NLGN1: variants seen among roughly 807,000 people sequenced by gnomAD.
NLGN1 encodes the protein neuroligin 1.
In NLGN1, 12 loss-of-function variants were observed where a neutral mutation model predicts 65.5. That is an observed-to-expected ratio of 0.18 (90% confidence interval 0.12 to 0.30). The LOEUF (loss-of-function observed/expected upper bound fraction) is 0.30. NLGN1 is among the 10% of genes least tolerant of loss of function. NLGN1 has a pLI of 1.00. For synonymous variants in NLGN1, 350 were observed against 359.5 expected, an observed-to-expected ratio of 0.97 and a Z score of 0.30; for missense variants, 750 against 1,007.1, an observed-to-expected ratio of 0.74 and a Z score of 3.46.
chr3:173,907,985 G>T (rs1051650403), intron 4 of NLGN1, among the ~76,000 whole-genome samples: 2 of 152,200 alleles, frequency 1.3e-5, no homozygotes, highest in Non-Finnish European at 2.9e-5. Flanking sequence ...CTCCCAAAGT[G>T]CTGGCATTAC....
intron 4 of NLGN1, among the ~76,000 whole-genome samples, chr3:173,840,212 A>C (rs147692262): frequency 3.0e-4 from 45 of 152,314 alleles, no homozygotes; most frequent in African/African-American, 1.0e-3. Flanking sequence ...TTCAAGAAAA[A>C]GGGGACAAAG....
intron 3 of NLGN1, among the ~76,000 whole-genome samples, chr3:173,649,416 A>G (rs764693018): frequency 1.3e-5 from 2 of 152,178 alleles, no homozygotes; most frequent in East Asian, 1.9e-4. Flanking sequence ...CATGTCATAC[A>G]TATGTCAATA....
At chr3:173,539,724 GCA>G (rs1039998906) in intron 2 of NLGN1, among the ~76,000 whole-genome samples, 1 of 120,452 alleles carries the variant, frequency 8.3e-6, no homozygotes, top group Non-Finnish European at 1.7e-5. Flanking sequence ...ATGTACATAT[GCA>G]CATATATACA....
At chr3:173,753,302 A>G (rs1776580737) in intron 3 of NLGN1, among the ~76,000 whole-genome samples, 1 of 152,124 alleles carries the variant, frequency 6.6e-6, no homozygotes, top group Non-Finnish European at 1.5e-5. Flanking sequence ...TGGATATCCA[A>G]TAGTCATCTC....
At chr3:173,540,501 A>G (rs1200095554) in intron 2 of NLGN1, among the ~76,000 whole-genome samples, 1 of 152,172 alleles carries the variant, frequency 6.6e-6, no homozygotes, top group Admixed American at 6.6e-5. Context: ...CTTCAGAAAA[A>G]GAAGGTTGTG....
intron 2 of NLGN1, among the ~76,000 whole-genome samples, chr3:173,554,215 TAA>T (rs1470101819): frequency 6.6e-6 from 1 of 152,202 alleles, no homozygotes; most frequent in Non-Finnish European, 1.5e-5. Context: ...AACTAAAAAT[TAA>T]AGATGATTTA....
At chr3:174,226,850 A>G (rs1286156277) in intron 4 of NLGN1, among the ~76,000 whole-genome samples, 1 of 152,174 alleles carries the variant, frequency 6.6e-6, no homozygotes, top group African/African-American at 2.4e-5. Flanking sequence ...TTGGCAGTTC[A>G]GGGAATTATT....
At chr3:174,178,630 A>G (rs1371781059) in intron 4 of NLGN1, among the ~76,000 whole-genome samples, 1 of 152,120 alleles carries the variant, frequency 6.6e-6, no homozygotes, top group Non-Finnish European at 1.5e-5. Flanking sequence ...AATGCAGGGA[A>G]TATGGTGGAC....
intron 3 of NLGN1, among the ~76,000 whole-genome samples, chr3:173,729,050 T>C (rs1772335427): frequency 6.6e-6 from 1 of 152,102 alleles, no homozygotes; most frequent in African/African-American, 2.4e-5. Flanking sequence ...TGGAATCTTA[T>C]TTTGCTGAGA....
chr3:173,957,220 T>C (rs1579408737), intron 4 of NLGN1, among the ~76,000 whole-genome samples: 1 of 152,164 alleles, frequency 6.6e-6, no homozygotes, highest in African/African-American at 2.4e-5. Context: ...ATAAGTTGTT[T>C]ATCCAGACAA....
chr3:173,680,343 G>A (rs1212047854), intron 3 of NLGN1, among the ~76,000 whole-genome samples: 1 of 151,966 alleles, frequency 6.6e-6, no homozygotes, highest in African/African-American at 2.4e-5. Context: ...ATTTGAAGAA[G>A]GAGGTGCCAT....
chr3:173,972,565 A>G (rs186224477), intron 4 of NLGN1, among the ~76,000 whole-genome samples: 12 of 152,166 alleles, frequency 7.9e-5, no homozygotes, highest in African/African-American at 2.9e-4. Flanking sequence ...CAAATGTGGA[A>G]GAGAAAGAGA....
At chr3:173,899,838 A>G (rs114959859) in intron 4 of NLGN1, among the ~76,000 whole-genome samples, 1,718 of 152,208 alleles carry the variant, frequency 0.011, 12 homozygotes, top group Middle Eastern at 0.031. Context: ...TTTAATTTGG[A>G]TGTTTTAATT....
intron 4 of NLGN1, among the ~76,000 whole-genome samples, chr3:174,270,321 A>G (rs1348623549): frequency 6.6e-6 from 1 of 151,226 alleles, no homozygotes; most frequent in Non-Finnish European, 1.5e-5. Context: ...TAATTTTTAT[A>G]TGGTGTATGC....
chr3:173,787,001 C>T (rs542175758), intron 3 of NLGN1, among the ~76,000 whole-genome samples: 8 of 151,836 alleles, frequency 5.3e-5, no homozygotes, highest in African/African-American at 1.2e-4. Flanking sequence ...CACTTGAACC[C>T]GTGGGGCGGA....
intron 4 of NLGN1, among the ~76,000 whole-genome samples, chr3:174,186,646 C>T: frequency 6.6e-6 from 1 of 151,960 alleles, no homozygotes; most frequent in Non-Finnish European, 1.5e-5. Context: ...GTTTGGCCAC[C>T]ATCTATATCT....
chr3:173,570,598 G>T (rs1035612764), intron 2 of NLGN1, among the ~76,000 whole-genome samples: 6 of 152,066 alleles, frequency 3.9e-5, no homozygotes, highest in East Asian at 1.9e-4. Context: ...CCCCCAATGG[G>T]TGCTGGTGGG....
chr3:174,154,977 ATAT>A (rs1178497338), intron 4 of NLGN1, among the ~76,000 whole-genome samples: 6 of 132,440 alleles, frequency 4.5e-5, no homozygotes, highest in African/African-American at 1.4e-4. Context: ...TATATATAAT[ATAT>A]TATATTATAT....
chr3:174,266,493 A>C (rs921578071), intron 4 of NLGN1, among the ~76,000 whole-genome samples: 2 of 152,062 alleles, frequency 1.3e-5, no homozygotes, highest in Non-Finnish European at 2.9e-5. Context: ...TGTCTTTGCT[A>C]TTGTGAATAG....
Sources: allele counts gnomAD v4.1 joint callset (sites outside exome capture counted in the v4.1 genomes callset), GRCh38; gene constraint gnomAD v4.1.1; transcripts MANE v1.5; gene names NCBI Gene and HGNC (gene_info 2026-07-23, HGNC 2026-07-21).